Variants in SNX25 observed in about 807,000 individuals in gnomAD.
The protein encoded by SNX25 is sorting nexin-25.
Under a neutral mutation model 113.7 loss-of-function variants are expected in SNX25, and 62 were observed. That is an observed-to-expected ratio of 0.55 (90% CI 0.44 to 0.67). The LOEUF is 0.67. Ranked by LOEUF, SNX25 falls within the 30% of genes least tolerant of loss-of-function variation. The pLI is 0.00. For synonymous variants in SNX25, 421 were observed against 436.2 expected, an observed-to-expected ratio of 0.97 and a Z score of 0.43; for missense variants, 1,014 against 1,161.0, an observed-to-expected ratio of 0.87 and a Z score of 1.84.
intron 2 of SNX25, among the ~76,000 whole-genome samples, chr4:185,251,065 G>T (rs1417531842): frequency 6.6e-6 from 1 of 151,830 alleles, no homozygotes; most frequent in Non-Finnish European, 1.5e-5. Context: ...CATGATCTTG[G>T]CTCACTGCAA....
intron 6 of SNX25, among the ~76,000 whole-genome samples, chr4:185,294,438 G>T (rs1161361215): frequency 6.6e-6 from 1 of 152,130 alleles, no homozygotes; most frequent in African/African-American, 2.4e-5. Flanking sequence ...AATCATAAAG[G>T]GTTCTCAATG....
chr4:185,229,777 A>G (rs1342326728), intron 1 of SNX25, among the ~76,000 whole-genome samples: 2 of 152,222 alleles, frequency 1.3e-5, no homozygotes, highest in Non-Finnish European at 2.9e-5. Flanking sequence ...TATCGCCTCT[A>G]CATAGTGTAG....
chr4:185,362,676 C>T lies in SNX25; in HGVS notation c.2899C>T (p.Leu967=). 6.2e-7 allele frequency: 1 copy of T among 1,614,044 alleles called. No individual in the cohort carries two copies. ...RHGIIKIFNA[L]QETRANKHLL... is the part of the protein sequence containing the mutation. ...CGGTATAATAAAAATATTCAATGCACTGCAAGAAACAAGAGCCAACAAGCA... is the reference window on the plus strand; with the variant it reads ...CGGTATAATAAAAATATTCAATGCATTGCAAGAAACAAGAGCCAACAAGCA... The change falls in exon 18 of 19, where the codon CTG becomes TTG. Residue 967 remains leucine (L), a synonymous_variant. Coordinates refer to ENST00000652585, the MANE Select transcript of SNX25 (RefSeq NM_001378034.2).
At chr4:185,336,525 A>T (rs1036761859) in intron 10 of SNX25, among the ~76,000 whole-genome samples, 5 of 152,224 alleles carry the variant, frequency 3.3e-5, no homozygotes, top group African/African-American at 9.6e-5. Flanking sequence ...GCTGAGTAGT[A>T]TTCTGTGCTC....
chr4:185,272,338 C>T (rs1304409250), intron 5 of SNX25, among the ~76,000 whole-genome samples: 6 of 152,248 alleles, frequency 3.9e-5, no homozygotes, highest in Admixed American at 3.3e-4. Context: ...ACTGAGTGTT[C>T]CCTTGTTTTC....
intron 6 of SNX25, among the ~76,000 whole-genome samples, chr4:185,307,775 A>G (rs1754666841): frequency 6.6e-6 from 1 of 151,818 alleles, no homozygotes; most frequent in Non-Finnish European, 1.5e-5. Context: ...CTCAACTTTT[A>G]TTTATTTATT....
At chr4:185,312,561 C>T (rs1285733063) in intron 7 of SNX25, among the ~76,000 whole-genome samples, 1 of 148,148 alleles carries the variant, frequency 6.8e-6, no homozygotes, top group Non-Finnish European at 1.5e-5. Context: ...CTCACTCTGT[C>T]GCCCAGGCTG....
intron 7 of SNX25, among the ~76,000 whole-genome samples, chr4:185,319,839 A>G (rs1297085208): frequency 1.3e-5 from 2 of 152,284 alleles, no homozygotes; most frequent in East Asian, 3.9e-4. Context: ...GGAGTACTAT[A>G]TTACATCAAC....
intron 4 of SNX25, among the ~76,000 whole-genome samples, chr4:185,265,536 G>C (rs1033120466): frequency 6.7e-6 from 1 of 149,972 alleles, no homozygotes; most frequent in East Asian, 2.0e-4. Flanking sequence ...CTGAGTGAGT[G>C]GGGAGTGACT....
chr4:185,283,325 T>A (rs1750908009), intron 5 of SNX25, among the ~76,000 whole-genome samples: 1 of 152,168 alleles, frequency 6.6e-6, no homozygotes, highest in Admixed American at 6.5e-5. Context: ...CAGAGAGGAA[T>A]GGCCATGCAT....
At chr4:185,364,016 ACT>A (rs2095377850), downstream of SNX25, 1 of 152,772 alleles carries the variant, frequency 6.5e-6, no homozygotes, top group South Asian at 2.1e-4. Context: ...AGAGGTTGAA[ACT>A]CTACAGGCTG....
chr4:185,373,330 G>A (rs1260835599), downstream of SNX25, among the ~76,000 whole-genome samples: 1 of 152,192 alleles, frequency 6.6e-6, no homozygotes, highest in Non-Finnish European at 1.5e-5. Context: ...AGGAAGACCA[G>A]CTGTCCTAGG....
At chr4:185,331,236 T>C (rs757725018) in intron 9 of SNX25, among the ~76,000 whole-genome samples, 8 of 152,196 alleles carry the variant, frequency 5.3e-5, no homozygotes, top group Non-Finnish European at 1.0e-4. Context: ...TTTGTACATA[T>C]GGGATAGCAA....
chr4:185,277,342 GA>G lies in SNX25; in HGVS notation c.1091+10194del, dbSNP rs1749856858. Among the ~76,000 whole-genome samples, 3 of 152,056 alleles carry G rather than the reference GA, an allele frequency of 2.0e-5. No homozygotes were observed. The South Asian group carries it at 6.2e-4, about 32-fold the overall frequency. ...CTGGGCCATCTTCTCCTTTAAAAAA[GA>G]AAAAAAGTGGTGCTAAGTCCCTACT... is the stretch of plus-strand genomic sequence containing the variant. On this transcript the variant is annotated intron_variant, in intron 5 of 18. Coordinates refer to ENST00000652585, the MANE Select transcript of SNX25 (RefSeq NM_001378034.2).
At chr4:185,269,408 G>A (rs1112943) in intron 5 of SNX25, among the ~76,000 whole-genome samples, 67,191 of 151,980 alleles carry the variant, frequency 0.44, 15,027 homozygotes, top group East Asian at 0.58. Flanking sequence ...GCCCCACAAC[G>A]TTATAAATTC....
chr4:185,240,470 C>T (rs1743626225), intron 1 of SNX25, among the ~76,000 whole-genome samples: 2 of 149,858 alleles, frequency 1.3e-5, no homozygotes, highest in Admixed American at 1.3e-4. Context: ...GTAGGGGCGG[C>T]CGGGCAGAGG....
chr4:185,336,840 T>C (rs926269280), intron 10 of SNX25, among the ~76,000 whole-genome samples: 29 of 152,228 alleles, frequency 1.9e-4, no homozygotes, highest in African/African-American at 5.1e-4. Context: ...TTTTATTTTT[T>C]TATCATGGCC....
intron 1 of SNX25, among the ~76,000 whole-genome samples, chr4:185,246,825 T>C (rs1744929115): frequency 6.6e-6 from 1 of 152,200 alleles, no homozygotes; most frequent in Non-Finnish European, 1.5e-5. Flanking sequence ...TCTTAATTCT[T>C]TTTTAGCTTA....
intron 6 of SNX25, among the ~76,000 whole-genome samples, chr4:185,290,860 G>T (rs1468327512): frequency 2.6e-5 from 4 of 152,184 alleles, no homozygotes; most frequent in Non-Finnish European, 4.4e-5. Flanking sequence ...TGCCTTGAGT[G>T]CTGCAGAGAA....
Sources: allele counts gnomAD v4.1 joint callset (sites outside exome capture counted in the v4.1 genomes callset), GRCh38; gene constraint gnomAD v4.1.1; transcripts MANE v1.5; gene names NCBI Gene and HGNC (gene_info 2026-07-23, HGNC 2026-07-21).